Variants in PPM1E observed in about 807,000 individuals in gnomAD.
The protein encoded by PPM1E is protein phosphatase, Mg2+/Mn2+ dependent 1E.
In PPM1E, 20 loss-of-function variants were observed where a neutral mutation model predicts 65.9. That is an observed-to-expected ratio of 0.30 (90% CI 0.21 to 0.44). The LOEUF is 0.44. Among genes scored for constraint, PPM1E ranks in the 20% least tolerant of loss-of-function variants. PPM1E has a pLI of 1.00. For synonymous variants in PPM1E, 352 were observed against 374.9 expected (o/e 0.94, Z 0.70); for missense variants, 713 against 953.1 (o/e 0.75, Z 3.32).
chr17:58,798,588 A>G (rs1209794565), intron 1 of PPM1E, among the ~76,000 whole-genome samples: 2 of 138,538 alleles, frequency 1.4e-5, no homozygotes, highest in Non-Finnish European at 1.5e-5. Flanking sequence ...TAAAAATTTG[A>G]TGAATATCTA....
chr17:58,806,380 G>A (rs1182758687), intron 1 of PPM1E, among the ~76,000 whole-genome samples: 3 of 151,852 alleles, frequency 2.0e-5, no homozygotes, highest in East Asian at 3.9e-4. Context: ...GACAGTATAG[G>A]GATTGAGTTG....
chr17:58,796,810 TTAAAG>T, intron 1 of PPM1E, among the ~76,000 whole-genome samples: 2 of 152,098 alleles, frequency 1.3e-5, no homozygotes, highest in South Asian at 4.1e-4. Context: ...TGGTTGCATT[TTAAAG>T]TAAGCTGTGG....
At chr17:58,792,743 C>CTTTTTTTTTTTTTTTTTTTTTTTT (rs780992600) in intron 1 of PPM1E, among the ~76,000 whole-genome samples, 1 of 76,382 alleles carries the variant, frequency 1.3e-5, no homozygotes, top group African/African-American at 6.4e-5. Context: ...GAATTTTACT[C>CTTTTTTTTTTTTTTTTTTTTTTTT]TTTTTTTTTT....
intron 1 of PPM1E, among the ~76,000 whole-genome samples, chr17:58,910,049 C>T (rs2051608364): frequency 1.3e-5 from 2 of 149,520 alleles, no homozygotes; most frequent in Non-Finnish European, 3.0e-5. Context: ...ATTATAGGTG[C>T]CCGCCACCAC....
chr17:58,792,674 A>G (rs562010902), intron 1 of PPM1E, among the ~76,000 whole-genome samples: 10 of 148,472 alleles, frequency 6.7e-5, no homozygotes, highest in Middle Eastern at 3.5e-3. Context: ...TAATTTTTCA[A>G]CTCTTTCCTA....
intron 1 of PPM1E, among the ~76,000 whole-genome samples, chr17:58,808,511 T>C (rs2050335942): frequency 6.6e-6 from 1 of 152,132 alleles, no homozygotes. Context: ...TATTTCTTCC[T>C]ATGTATTTAT....
chr17:58,793,078 A>T (rs530664193), intron 1 of PPM1E, among the ~76,000 whole-genome samples: 4 of 151,942 alleles, frequency 2.6e-5, no homozygotes, highest in Non-Finnish European at 5.9e-5. Flanking sequence ...TGGGTGTTTA[A>T]TAATTATGTT....
At chr17:58,953,038 C>G (rs1170485584) in intron 1 of PPM1E, among the ~76,000 whole-genome samples, 1 of 152,156 alleles carries the variant, frequency 6.6e-6, no homozygotes, top group Non-Finnish European at 1.5e-5. Flanking sequence ...AACCTATGAG[C>G]TAAAAAGGCC....
At chr17:58,850,608 A>G (rs1037383570) in intron 1 of PPM1E, among the ~76,000 whole-genome samples, 8 of 151,988 alleles carry the variant, frequency 5.3e-5, no homozygotes, top group Admixed American at 2.6e-4. Context: ...ATTGGCCCCC[A>G]CTCTCTTCTG....
chr17:58,974,441 G>A (rs888640950), intron 6 of PPM1E, among the ~76,000 whole-genome samples: 16 of 152,158 alleles, frequency 1.1e-4, no homozygotes, highest in Admixed American at 8.5e-4. Flanking sequence ...AATGAAACTC[G>A]GTCTAAAACG....
chr17:58,794,730 A>G (rs1052657803), intron 1 of PPM1E, among the ~76,000 whole-genome samples: 15 of 152,144 alleles, frequency 9.9e-5, no homozygotes, highest in African/African-American at 3.6e-4. Flanking sequence ...ATGTTGCTGC[A>G]AAGGACATGA....
At chr17:58,786,697 T>G (rs1214390653) in intron 1 of PPM1E, among the ~76,000 whole-genome samples, 1 of 152,230 alleles carries the variant, frequency 6.6e-6, no homozygotes, top group Non-Finnish European at 1.5e-5. Flanking sequence ...CTTCAAAAAG[T>G]AAAACCATGA....
chr17:58,923,911 C>CTT (rs751578623), intron 1 of PPM1E, among the ~76,000 whole-genome samples: 395 of 64,794 alleles, frequency 6.1e-3, no homozygotes, highest in East Asian at 8.2e-3. Context: ...AAGACCCCCT[C>CTT]TTTTTTTTTT....
intron 1 of PPM1E, among the ~76,000 whole-genome samples, chr17:58,806,574 A>C (rs9893863): frequency 0.012 from 1,875 of 152,188 alleles, 15 homozygotes; most frequent in Middle Eastern, 0.037. Context: ...GCATTTGTCA[A>C]ACTAGATCTT....
chr17:58,863,394 C>A (rs950696948), intron 1 of PPM1E, among the ~76,000 whole-genome samples: 3 of 152,356 alleles, frequency 2.0e-5, no homozygotes, highest in Middle Eastern at 3.4e-3. Context: ...CCGGCCACTT[C>A]TCTCCAGTGG....
intron 1 of PPM1E, among the ~76,000 whole-genome samples, chr17:58,872,236 G>T (rs1025671862): frequency 6.6e-6 from 1 of 151,938 alleles, no homozygotes; most frequent in Non-Finnish European, 1.5e-5. Context: ...GGCGGAGGTT[G>T]CAGTGAGCCG....
In PPM1E at chr17:58,981,633, A is replaced by C. The variant is rs2143834469; in HGVS notation, c.*602A>C. On this transcript the variant is annotated 3_prime_UTR_variant, in exon 7 of 7. Transcript: ENST00000308249. ...TTCTCAGACTTGTGAGGCGGTTTAT[A>C]GTCAGAAAGATTTACGGATTTTTTT... The C allele has an allele frequency of 6.5e-6, 1 of 152,760 alleles. No individual in the cohort carries two copies. The highest frequency in any genetic ancestry group is 2.4e-5 in the African/African-American group (1 of 41,576). The allele number at this position is 152,760 out of a possible 1,614,324, so 9.5% of individuals were successfully genotyped here. A position where few individuals can be genotyped will look rare whatever the true frequency, so the allele number is the denominator to read the frequency against.
intron 1 of PPM1E, among the ~76,000 whole-genome samples, chr17:58,937,136 A>AT (rs1386369730): frequency 6.6e-6 from 1 of 152,068 alleles, no homozygotes; most frequent in Non-Finnish European, 1.5e-5. Flanking sequence ...TACAAAAAAA[A>AT]AAAATAAAAT....
In PPM1E at chr17:58,775,806, C is replaced by G. The variant is rs561276649; in HGVS notation, c.464+19345C>G. On this transcript the variant is annotated intron_variant, in intron 1 of 6. Transcript: ENST00000308249. The stretch of plus-strand genomic sequence containing the variant: ...GCGGGCGCCTGTAGTCCCAGCTACT[C>G]GGGAGGCTGAGGCAGGAGAATGGCG... 1.9e-3 allele frequency among the ~76,000 whole-genome samples: 281 copies of G among 147,652 alleles called. 1 individual carries two copies. The highest frequency in any genetic ancestry group is 3.4e-3 in the Non-Finnish European group (226 of 67,154).
Sources: allele counts gnomAD v4.1 joint callset (sites outside exome capture counted in the v4.1 genomes callset), GRCh38; gene constraint gnomAD v4.1.1; transcripts MANE v1.5; gene names NCBI Gene and HGNC (gene_info 2026-07-23, HGNC 2026-07-21).